The following MLPH variants were observed in gnomAD, a reference collection of about 807,000 sequenced individuals.
The protein encoded by MLPH is melanophilin, also known as exophilin-3.
In MLPH, 51 loss-of-function variants were observed where a neutral mutation model predicts 72.1. The observed-to-expected ratio is 0.71, with a 90% CI of 0.56 to 0.89. The LOEUF is 0.89. MLPH is among the 40% of genes least tolerant of loss of function. The pLI, the probability that MLPH is intolerant of heterozygous loss-of-function variation, is 0.00. For missense variants in MLPH, 743 were observed against 759.9 expected, an observed-to-expected ratio of 0.98 and a Z score of 0.26; for synonymous variants, 301 against 310.1, an observed-to-expected ratio of 0.97 and a Z score of 0.31.
chr2:237,540,564 A>T, intron 10 of MLPH, 31 bp downstream of exon 10: 4 of 1,597,266 alleles, frequency 2.5e-6, no homozygotes, highest in Non-Finnish European at 3.4e-6. Flanking sequence ...TCTCAGCAGG[A>T]CCCTGCAGAG....
intron 9 of MLPH, 73 bp downstream of exon 9, chr2:237,534,720 G>A (rs1300240274): frequency 5.9e-6 from 7 of 1,195,130 alleles, no homozygotes; most frequent in Non-Finnish European, 8.8e-6. Context: ...AGTGTGACAT[G>A]GGCTTTTGGG....
chr2:237,549,078 TA>T, intron 13 of MLPH, 142 bp from the exon 14 acceptor site: 1 of 731,872 alleles, frequency 1.4e-6, no homozygotes, highest in Non-Finnish European at 2.4e-6. Flanking sequence ...CTCATATTGC[TA>T]AAAGTTCAAA....
Position 237,527,510 on chromosome 2 carries a change from G to A in MLPH, c.1014G>A (p.Glu338=). The change falls in exon 8 of 16, where the codon GAG becomes GAA. Residue 338 remains glutamate, a synonymous_variant. Transcript: ENST00000264605. ...HSKRRGRASS[E]SQIFELNKHI... ...AGCGGAGAGGCCGGGCGTCTTCTGA[G>A]AGTCAGGTAACGGTGGCTGGAAAGA... 6.2e-7 allele frequency: 1 copy of A among 1,614,164 alleles called. No homozygotes were observed. The highest frequency in any genetic ancestry group is 8.5e-7 in the Non-Finnish European group (1 of 1,180,044).
chr2:237,487,593 A>G (rs2079343398), intron 1 of MLPH, among the ~76,000 whole-genome samples, 156 bp downstream of exon 1: 1 of 152,246 alleles, frequency 6.6e-6, no homozygotes. Flanking sequence ...TGGTGAGGAC[A>G]GCGCGTTCCC....
At chr2:237,548,050 G>A (rs1036132424) in intron 13 of MLPH, among the ~76,000 whole-genome samples, 3 of 152,218 alleles carry the variant, frequency 2.0e-5, no homozygotes, top group South Asian at 4.1e-4. Context: ...CTTTCCACAG[G>A]ATGTTTACAG....
chr2:237,531,424 G>A (rs1010428129), intron 8 of MLPH, among the ~76,000 whole-genome samples: 6 of 151,612 alleles, frequency 4.0e-5, no homozygotes, highest in African/African-American at 1.2e-4. Flanking sequence ...TCCTTGGCTG[G>A]CTGAGCATCT....
rs1304902757 is a variant in MLPH, at chr2:237,554,792, ATC to A, written c.*1205_*1206del. ...ATAAGACACTTCCAGGAGCTTTCCA[ATC>A]TCTCACTTAAAACTAAGGTTTGAAT... On this transcript the variant is annotated 3_prime_UTR_variant, in exon 16 of 16. Transcript: ENST00000264605. 2 of 152,154 alleles carry A rather than the reference ATC, an allele frequency of 1.3e-5. No homozygotes were observed. The highest frequency in any genetic ancestry group is 2.9e-5 in the Non-Finnish European group (2 of 68,014). The allele number at this position is 152,154 out of a possible 1,614,324, so 9.4% of individuals were successfully genotyped here.
At chr2:237,531,001 C>T (rs1559363060) in intron 8 of MLPH, among the ~76,000 whole-genome samples, 1 of 152,206 alleles carries the variant, frequency 6.6e-6, no homozygotes, top group South Asian at 2.1e-4. Flanking sequence ...AGTCAGGCAG[C>T]GAGGTCCCCC....
Position 237,553,593 on chromosome 2 carries a change from C to G in MLPH, c.*1C>G, listed in dbSNP as rs139145016. On this transcript the variant is annotated 3_prime_UTR_variant, in exon 16 of 16. Coordinates refer to ENST00000264605, the MANE Select transcript of MLPH (RefSeq NM_024101.7). ...ACCTGTGGTGGCCCACCAGTCCTAACGGGACAGGACAGAGAGACAGAGCAG... is the reference window on the plus strand; with the variant it reads ...ACCTGTGGTGGCCCACCAGTCCTAAGGGGACAGGACAGAGAGACAGAGCAG... The G allele has an allele frequency of 3.7e-6, 6 of 1,614,202 alleles. No homozygotes were observed. The highest frequency in any genetic ancestry group is 5.1e-6 in the Non-Finnish European group (6 of 1,180,042).
intron 9 of MLPH, 80 bp downstream of exon 9, chr2:237,534,727 T>C (rs1429621715): frequency 8.7e-7 from 1 of 1,152,016 alleles, no homozygotes; most frequent in Admixed American, 1.7e-5. Flanking sequence ...CATGGGCTTT[T>C]GGGAGAAGAG....
intron 4 of MLPH, 25 bp downstream of exon 4, chr2:237,511,126 CT>C: frequency 6.3e-7 from 1 of 1,575,606 alleles, no homozygotes; most frequent in African/African-American, 1.3e-5. Flanking sequence ...GTAAGAACGG[CT>C]TTTTGTTCCC....
At chr2:237,520,222 T>G (rs2080150944) in intron 6 of MLPH, among the ~76,000 whole-genome samples, 193 bp downstream of exon 6, 1 of 152,056 alleles carries the variant, frequency 6.6e-6, no homozygotes, top group African/African-American at 2.4e-5. Flanking sequence ...TCCCCCAGGA[T>G]TAGCATGTCT....
chr2:237,549,419 G>A lies in MLPH; in HGVS notation c.1675+141G>A, dbSNP rs187215961. Reference sequence around the variant, plus strand: ...CTGACTCCCAAAAAACATTCCCAGTGCCGCTCGGGCCACCCTCAGGACCCA... The same window carrying A: ...CTGACTCCCAAAAAACATTCCCAGTACCGCTCGGGCCACCCTCAGGACCCA... On this transcript the variant is annotated intron_variant, in intron 14 of 15. Transcript: ENST00000264605. The A allele has an allele frequency of 1.4e-3, 1,208 of 869,702 alleles. 1 individual carries two copies. Among genetic ancestry groups the A allele is most frequent in the Non-Finnish European group, 2.0e-3 (1,038 of 512,238 alleles). The allele number at this position is 869,702 out of a possible 1,614,324, so 53.9% of individuals were successfully genotyped here.
chr2:237,494,182 G>GC (rs1184990145), intron 2 of MLPH, among the ~76,000 whole-genome samples: 1 of 152,276 alleles, frequency 6.6e-6, no homozygotes, highest in African/African-American at 2.4e-5. Flanking sequence ...CCCGGCGAAG[G>GC]GGGGGGCAGA....
intron 8 of MLPH, among the ~76,000 whole-genome samples, chr2:237,532,134 G>A (rs1456515294): frequency 6.6e-6 from 1 of 152,174 alleles, no homozygotes; most frequent in Admixed American, 6.5e-5. Flanking sequence ...CTCTTAGAGG[G>A]GCCTTTGTGA....
At chr2:237,488,368 T>A (rs1224307909) in intron 1 of MLPH, among the ~76,000 whole-genome samples, 2 of 144,778 alleles carry the variant, frequency 1.4e-5, no homozygotes, top group Non-Finnish European at 3.0e-5. Flanking sequence ...CCTGCATCTG[T>A]CCTAGGAAAC....
At position 237,510,629 on chromosome 2, in the gene MLPH, A is replaced by T. The variant is rs199799204; in HGVS notation, c.166A>T (p.Thr56Ser). 31 of 1,613,614 alleles carry T rather than the reference A, an allele frequency of 1.9e-5. No homozygotes were observed. Among genetic ancestry groups the T allele is most frequent in the Non-Finnish European group, 2.6e-5 (31 of 1,180,058 alleles). The change falls in exon 3 of 16, where the codon ACT (threonine) becomes TCT (serine). Residue 56 changes from threonine (T) to serine (S), a missense_variant. By Grantham distance (58) the Thr-to-Ser change is moderately conservative. Coordinates refer to ENST00000264605, the MANE Select transcript of MLPH (RefSeq NM_024101.7). This position sits in a 1 kb window ranked among gnomAD's most constrained non-coding sequence, Gnocchi z 4.4. ...ESSKRELLSD[T>S]AHLNETHCAR... Reference sequence around the variant, plus strand: ...CTCCAAGAGGGAGCTGCTTTCCGACACTGCCCATCTGAACGAGACCCACTG... The same window carrying T: ...CTCCAAGAGGGAGCTGCTTTCCGACTCTGCCCATCTGAACGAGACCCACTG...
At chr2:237,524,885 G>T (rs537614132) in intron 6 of MLPH, among the ~76,000 whole-genome samples, 1 of 152,306 alleles carries the variant, frequency 6.6e-6, no homozygotes, top group East Asian at 1.9e-4. Flanking sequence ...CACCCAGGCC[G>T]GTCTGAAGAC....
intron 2 of MLPH, among the ~76,000 whole-genome samples, chr2:237,494,745 C>T (rs1246798684): frequency 1.3e-5 from 2 of 152,152 alleles, no homozygotes; most frequent in African/African-American, 2.4e-5. Flanking sequence ...AGTGACATCA[C>T]GCAGGTGTGT....
Sources: allele counts gnomAD v4.1 joint callset (sites outside exome capture counted in the v4.1 genomes callset), GRCh38; gene constraint gnomAD v4.1.1; non-coding constraint Gnocchi (gnomAD v3.1); transcripts MANE v1.5; gene names NCBI Gene and HGNC (gene_info 2026-07-23, HGNC 2026-07-21).